AMZ1: variants seen among roughly 807,000 people sequenced by gnomAD.
AMZ1 encodes archaelysin family metallopeptidase 1.
Under a neutral mutation model 29.9 loss-of-function variants are expected in AMZ1, and 39 were observed. The ratio of observed to expected loss-of-function variants is 1.30; its 90% CI spans 1.01 to 1.70. AMZ1 has a LOEUF of 1.70. Ranked by LOEUF, AMZ1 falls within the 40% of genes most tolerant of loss-of-function variation. AMZ1 has a pLI of 0.00. For missense variants in AMZ1, 1,041 were observed against 680.6 expected, an observed-to-expected ratio of 1.53 and a Z score of -5.89; for synonymous variants, 458 against 304.0, an observed-to-expected ratio of 1.51 and a Z score of -5.27.
chr7:2,757,053 C>A (rs1463755277), intron 4 of AMZ1, among the ~76,000 whole-genome samples: 1 of 150,314 alleles, frequency 6.7e-6, no homozygotes, highest in Non-Finnish European at 1.5e-5. Context: ...CCAGTCTGGG[C>A]AACAGAGCGA....
rs1382512053 is a variant in AMZ1 at position 2,709,821 on chromosome 7, G to C, written c.948+5G>C. On this transcript the variant is annotated splice_donor_5th_base_variant and intron_variant, in intron 6 of 6. Coordinates refer to ENST00000683327, the MANE Select transcript of AMZ1 (RefSeq NM_001384743.1). ...AGGCTCATCGAGAGGTACCAGGTGA[G>C]TGGCTGAGTTGCGCTGCCCGGCTGC... The C allele has an allele frequency of 1.2e-6, 2 of 1,611,544 alleles. No individual in the cohort carries two copies. The highest frequency in any genetic ancestry group is 2.2e-5 in the East Asian group (1 of 44,854).
chr7:2,700,413 C>T lies in AMZ1; in HGVS notation c.-39C>T. The T allele has an allele frequency of 6.3e-7, 1 of 1,575,692 alleles. No homozygotes were observed. The highest frequency in any genetic ancestry group is 8.6e-7 in the Non-Finnish European group (1 of 1,166,370). Reference sequence around the variant, plus strand: ...CCCCCGGGTGGCCCATGGACAGCAGCAGGGGCTCCCAGGAGTGGCCAGGCC... The same window carrying T: ...CCCCCGGGTGGCCCATGGACAGCAGTAGGGGCTCCCAGGAGTGGCCAGGCC... On this transcript the variant is annotated 5_prime_UTR_variant, in exon 2 of 7. Transcript: ENST00000683327.
chr7:2,687,712 C>T (rs532988303), upstream of AMZ1, among the ~76,000 whole-genome samples: 754 of 2,924 alleles, frequency 0.26, 9 homozygotes, highest in African/African-American at 0.39. Context: ...CCTGGGGCTT[C>T]GCTGATAAGC....
intron 4 of AMZ1, among the ~76,000 whole-genome samples, chr7:2,754,606 GGTATA>G (rs1178097868): frequency 6.6e-6 from 1 of 151,838 alleles, no homozygotes; most frequent in Admixed American, 6.6e-5. Flanking sequence ...AAATTAGCCA[GGTATA>G]GTGTTGCGTT....
chr7:2,741,132 TA>T lies in AMZ1; in HGVS notation n.551-23579del, dbSNP rs1197539259. Among the ~76,000 whole-genome samples the T allele has an allele frequency of 2.0e-4, 31 of 152,160 alleles. 1 individual carries two copies. The highest frequency in any genetic ancestry group is 9.2e-4 in the Admixed American group (14 of 15,290). On this transcript the variant is annotated intron_variant and non_coding_transcript_variant, in intron 4 of 4. Coordinates refer to the AMZ1 transcript ENST00000489665. Reference sequence around the variant, plus strand: ...TTCATTTGTATCACAGGGATCATCATAGAAAAATGAGCTAGAAAGAAATTTT... The same window carrying T: ...TTCATTTGTATCACAGGGATCATCATGAAAAATGAGCTAGAAAGAAATTTT...
Position 2,718,855 on chromosome 7 carries a change from G to A in AMZ1, c.*5977G>A, listed in dbSNP as rs1173404178. 6.6e-6 allele frequency among the ~76,000 whole-genome samples: 1 copy of A among 152,200 alleles called. No homozygotes were observed. The highest frequency in any genetic ancestry group is 2.4e-5 in the African/African-American group (1 of 41,448). ...GGCCTCTGGGAACAGGGGAGTCACA[G>A]AAACCACGGGAAACGGAGTGGGTTG... is the stretch of plus-strand genomic sequence containing the variant. On this transcript the variant is annotated 3_prime_UTR_variant, in exon 7 of 7. Coordinates refer to ENST00000683327, the MANE Select transcript of AMZ1 (RefSeq NM_001384743.1).
chr7:2,685,073 G>A (rs1330187357), upstream of AMZ1, among the ~76,000 whole-genome samples: 3 of 151,576 alleles, frequency 2.0e-5, no homozygotes, highest in Non-Finnish European at 1.5e-5. Context: ...GTTTCACTGT[G>A]TTAGCCAGGA....
At position 2,718,077 on chromosome 7, in the gene AMZ1, A is replaced by C. The variant is rs1427412659; in HGVS notation, c.*5199A>C. On this transcript the variant is annotated 3_prime_UTR_variant, in exon 7 of 7. Coordinates refer to ENST00000683327, the MANE Select transcript of AMZ1 (RefSeq NM_001384743.1). ...TCCTGCCCTCTCTGAGAGGGGCCCG[A>C]GCTCTCGCAAGATTAACCAGAGACG... Among the ~76,000 whole-genome samples, 1 of 152,036 alleles carries C rather than the reference A, an allele frequency of 6.6e-6. No individual in the cohort carries two copies. The highest frequency in any genetic ancestry group is 2.4e-5 in the African/African-American group (1 of 41,372).
intron 6 of AMZ1, 44 bp downstream of exon 6, chr7:2,709,860 C>T: frequency 6.3e-7 from 1 of 1,598,342 alleles, no homozygotes; most frequent in Non-Finnish European, 8.5e-7. Flanking sequence ...GACCTGCGCT[C>T]CGGAGGCCCG....
intron 4 of AMZ1, among the ~76,000 whole-genome samples, chr7:2,747,254 T>C (rs1161999367): frequency 6.6e-6 from 1 of 152,174 alleles, no homozygotes; most frequent in Admixed American, 6.5e-5. Context: ...TGATGAACAT[T>C]GATGCAAAAA....
chr7:2,708,820 C>G, intron 4 of AMZ1, 104 bp downstream of exon 4: 5 of 1,547,036 alleles, frequency 3.2e-6, no homozygotes, highest in Non-Finnish European at 4.4e-6. Flanking sequence ...AAGCACCCTC[C>G]TGGTGGAAGT....
chr7:2,740,984 G>A (rs978721351), intron 4 of AMZ1, among the ~76,000 whole-genome samples: 1 of 152,246 alleles, frequency 6.6e-6, no homozygotes, highest in African/African-American at 2.4e-5. Context: ...GGCAGAGCTT[G>A]CAGTGAGCTG....
At chr7:2,710,887 C>T (rs1562374394) in intron 6 of AMZ1, among the ~76,000 whole-genome samples, 2 of 152,194 alleles carry the variant, frequency 1.3e-5, no homozygotes, top group Non-Finnish European at 2.9e-5. Flanking sequence ...GCCAGCTGTG[C>T]CCCGTCAAGG....
chr7:2,735,988 G>T (rs539254510), intron 4 of AMZ1, among the ~76,000 whole-genome samples: 13 of 152,116 alleles, frequency 8.5e-5, no homozygotes, highest in African/African-American at 3.1e-4. Flanking sequence ...GGTGCACTGC[G>T]GTTCACCAAC....
intron 4 of AMZ1, among the ~76,000 whole-genome samples, chr7:2,747,529 T>G: frequency 6.6e-6 from 1 of 152,112 alleles, no homozygotes; most frequent in Non-Finnish European, 1.5e-5. Flanking sequence ...CTCAAAATAA[T>G]AAGAGCTATC....
At chr7:2,699,115 A>G (rs987034877) in intron 1 of AMZ1, among the ~76,000 whole-genome samples, 2 of 151,836 alleles carry the variant, frequency 1.3e-5, no homozygotes, top group African/African-American at 4.8e-5. Flanking sequence ...TCTCCCCACA[A>G]CCACCCCTTT....
At position 2,716,881 on chromosome 7, in the gene AMZ1, G is replaced by C. The variant is rs1403869343; in HGVS notation, c.*4003G>C. Among the ~76,000 whole-genome samples, 1 of 152,136 alleles carries C rather than the reference G, an allele frequency of 6.6e-6. No individual in the cohort carries two copies. Among genetic ancestry groups the C allele is most frequent in the Admixed American group, 6.5e-5 (1 of 15,276 alleles). On this transcript the variant is annotated 3_prime_UTR_variant, in exon 7 of 7. Coordinates refer to ENST00000683327, the MANE Select transcript of AMZ1 (RefSeq NM_001384743.1). ...GGCTGTGGCTGTCGAGATGGGACTG[G>C]GAAGGGCTGGAGCCTCAGAAACGGC...
rs546412149 is a variant in AMZ1, at chr7:2,713,073, A to T, written c.*195A>T. On this transcript the variant is annotated 3_prime_UTR_variant, in exon 7 of 7. Coordinates refer to ENST00000683327, the MANE Select transcript of AMZ1 (RefSeq NM_001384743.1). Reference sequence around the variant, plus strand: ...GGCAACATGGTGAGACTCTGCCTCTACAAAAGAAAAATTAAAAAATTAGCT... The same window carrying T: ...GGCAACATGGTGAGACTCTGCCTCTTCAAAAGAAAAATTAAAAAATTAGCT... 2.1e-5 allele frequency: 11 copies of T among 515,828 alleles called. No individual in the cohort carries two copies. The East Asian group carries it at 3.5e-4, about 16-fold the overall frequency. The allele number at this position is 515,828 out of a possible 1,614,324, so 32.0% of individuals were successfully genotyped here.
intron 6 of AMZ1, among the ~76,000 whole-genome samples, chr7:2,710,759 G>A (rs1189947734): frequency 6.6e-6 from 1 of 152,248 alleles, no homozygotes; most frequent in Non-Finnish European, 1.5e-5. Context: ...AAGGAGAAGA[G>A]CCTGTGACTT....
Sources: allele counts gnomAD v4.1 joint callset (sites outside exome capture counted in the v4.1 genomes callset), GRCh38; gene constraint gnomAD v4.1.1; transcripts MANE v1.5; gene names NCBI Gene and HGNC (gene_info 2026-07-23, HGNC 2026-07-21).